CTPS2: variants seen among roughly 807,000 people sequenced by gnomAD.
The protein encoded by CTPS2 is CTP synthase II.
Under a neutral mutation model 46.8 loss-of-function variants are expected in CTPS2, and 19 were observed. That is an observed-to-expected ratio of 0.41 (90% CI 0.28 to 0.60). CTPS2 has a LOEUF of 0.60. Among genes scored for constraint, CTPS2 ranks in the 20% least tolerant of loss-of-function variants. The pLI, the probability that CTPS2 is intolerant of heterozygous loss-of-function variation, is 0.35. For synonymous variants in CTPS2, 151 were observed against 165.2 expected (o/e 0.91, Z 0.66); for missense variants, 286 against 447.6 (o/e 0.64, Z 3.26).
chrX:16,710,800 G>C (rs1488375356), intron 1 of CTPS2, among the ~76,000 whole-genome samples: 1 of 111,888 alleles, frequency 8.9e-6, no homozygotes, highest in Non-Finnish European at 1.9e-5. Flanking sequence ...TGTATCTTTA[G>C]TAGAGACAGG....
At chrX:16,591,230 G>A (rs6629156) in intron 17 of CTPS2, among the ~76,000 whole-genome samples, 1,932 of 111,680 alleles carry the variant, frequency 0.017, 29 homozygotes, top group African/African-American at 0.058. Flanking sequence ...ACTATTGCTT[G>A]CTTTCTACTA....
chrX:16,623,795 T>C (rs1930969313), intron 14 of CTPS2, among the ~76,000 whole-genome samples: 1 of 52,024 alleles, frequency 1.9e-5, no homozygotes, highest in African/African-American at 7.5e-5. Context: ...CTCAATTCTT[T>C]TTTTTTTTTT....
At chrX:16,678,697 C>A (rs967284524) in intron 9 of CTPS2, among the ~76,000 whole-genome samples, 1 of 110,218 alleles carries the variant, frequency 9.1e-6, no homozygotes, top group African/African-American at 3.3e-5. Context: ...AAGAAGAGAA[C>A]GATGCAGAAG....
At chrX:16,638,595 A>G (rs1931881963) in intron 14 of CTPS2, 1 of 145,073 alleles carries the variant, frequency 6.9e-6, no homozygotes, top group Non-Finnish European at 1.3e-5. Flanking sequence ...CACAGAAATT[A>G]GAATTAACCT....
intron 16 of CTPS2, among the ~76,000 whole-genome samples, chrX:16,613,584 TGC>T (rs1930374278): frequency 9.2e-6 from 1 of 109,039 alleles, no homozygotes; most frequent in Non-Finnish European, 1.9e-5. Context: ...CCACCAAATG[TGC>T]CCCCCAGGGA....
intron 6 of CTPS2, among the ~76,000 whole-genome samples, chrX:16,692,663 G>GCTAAGGGAATAAGCCTTTTCCGGCTC (rs1208813350): frequency 6.3e-5 from 7 of 111,398 alleles, no homozygotes; most frequent in African/African-American, 2.3e-4. Flanking sequence ...AACACTTGAG[G>GCTAAGGGAATAAGCCTTTTCCGGCTC]CTAAGGGAAT....
intron 16 of CTPS2, among the ~76,000 whole-genome samples, chrX:16,613,721 G>T (rs908231478): frequency 5.4e-5 from 6 of 110,314 alleles, no homozygotes; most frequent in African/African-American, 2.0e-4. Context: ...CTCCTAAGTA[G>T]CTGGGACCAC....
chrX:16,669,929 A>T (rs185198909), intron 11 of CTPS2, among the ~76,000 whole-genome samples: 3 of 111,230 alleles, frequency 2.7e-5, no homozygotes, highest in Admixed American at 1.9e-4. Context: ...AAAGCATTAA[A>T]AAGGCTCAAC....
intron 13 of CTPS2, among the ~76,000 whole-genome samples, chrX:16,655,173 C>T (rs765204295): frequency 8.9e-6 from 1 of 112,082 alleles, no homozygotes; most frequent in South Asian, 3.7e-4. Context: ...CATGCTATCT[C>T]CCAGCACTCG....
At position 16,712,396 on chromosome X, in the gene CTPS2, G is replaced by A; in HGVS notation, c.-101C>T. 8.8e-6 allele frequency: 1 copy of A among 113,958 alleles called. No individual in the cohort carries two copies. Among genetic ancestry groups the A allele is most frequent in the Non-Finnish European group, 1.9e-5 (1 of 53,454 alleles). The allele number at this position is 113,958 out of a possible 1,213,427, so 9.4% of individuals were successfully genotyped here. On this transcript the variant is annotated 5_prime_UTR_variant, in exon 1 of 19. Transcript: ENST00000359276. ...TGGGCACGGCGGGCTCCACCCCGCG[G>A]CTGGCCTGGCGCTCACCTGTCGGGC...
chrX:16,595,362 A>T (rs186893909), intron 17 of CTPS2, among the ~76,000 whole-genome samples: 1 of 111,598 alleles, frequency 9.0e-6, no homozygotes, highest in East Asian at 2.8e-4. Flanking sequence ...CCCAGGCTGG[A>T]GTGCAGTGAT....
At chrX:16,657,186 G>A (rs907592849) in intron 13 of CTPS2, among the ~76,000 whole-genome samples, 77 of 100,049 alleles carry the variant, frequency 7.7e-4, no homozygotes, top group African/African-American at 2.4e-3. Context: ...CACCATGCCC[G>A]GCCTTTTTTT....
intron 14 of CTPS2, among the ~76,000 whole-genome samples, chrX:16,623,085 A>C (rs775799541): frequency 8.9e-6 from 1 of 111,755 alleles, no homozygotes; most frequent in Non-Finnish European, 1.9e-5. Context: ...CAAAATAGGG[A>C]CCTGACCCTT....
intron 8 of CTPS2, among the ~76,000 whole-genome samples, chrX:16,684,946 G>T (rs1376496357): frequency 9.0e-6 from 1 of 111,219 alleles, no homozygotes; most frequent in East Asian, 2.8e-4. Context: ...CAAAAATTAG[G>T]CTGGCATGGT....
intron 4 of CTPS2, among the ~76,000 whole-genome samples, chrX:16,695,416 T>C (rs774187702): frequency 2.7e-5 from 3 of 112,257 alleles, no homozygotes; most frequent in Non-Finnish European, 5.6e-5. Context: ...TTGCCCCAGA[T>C]AAAAGGGAAA....
At chrX:16,593,301 C>T (rs375726295) in intron 17 of CTPS2, among the ~76,000 whole-genome samples, 176 of 108,425 alleles carry the variant, frequency 1.6e-3, no homozygotes, top group African/African-American at 5.4e-3. Context: ...TGGTGGCGGG[C>T]GCCTGTAGTC....
At chrX:16,696,810 CAAT>C (rs752330370) in intron 4 of CTPS2, among the ~76,000 whole-genome samples, 1 of 111,653 alleles carries the variant, frequency 9.0e-6, no homozygotes, top group South Asian at 3.7e-4. Context: ...ACATTGATGA[CAAT>C]AATAATAGCT....
chrX:16,638,040 G>T (rs1055759805), intron 14 of CTPS2, among the ~76,000 whole-genome samples: 1 of 110,836 alleles, frequency 9.0e-6, no homozygotes, highest in African/African-American at 3.3e-5. Flanking sequence ...CAGATCATGA[G>T]GTCAGGAGAT....
intron 16 of CTPS2, among the ~76,000 whole-genome samples, chrX:16,610,178 C>T (rs1930194286): frequency 1.8e-5 from 2 of 111,673 alleles, no homozygotes; most frequent in Non-Finnish European, 3.8e-5. Flanking sequence ...TTTCTAGTCA[C>T]AGCTTTAAGT....
Sources: gnomAD v4.1 joint callset for allele counts (sites outside exome capture counted in the v4.1 genomes callset) on GRCh38, gnomAD v4.1.1 for gene constraint, MANE v1.5 for transcripts, NCBI Gene and HGNC (gene_info 2026-07-23, HGNC 2026-07-21) for gene names.